The following PTPRK variants were observed in gnomAD, a reference collection of about 807,000 sequenced individuals.
PTPRK encodes receptor-type tyrosine-protein phosphatase kappa.
PTPRK carries 75 observed loss-of-function variants against 178.0 expected under a neutral mutation model. The observed-to-expected ratio is 0.42, with a 90% CI of 0.35 to 0.51. The LOEUF is 0.51. Ranked by LOEUF, PTPRK falls within the 20% of genes least tolerant of loss-of-function variation. PTPRK has a pLI of 0.02. For missense variants in PTPRK, 1,441 were observed against 1,797.8 expected (o/e 0.80, Z 3.59); for synonymous variants, 637 against 620.6 (o/e 1.03, Z -0.39).
chr6:128,262,582 AG>A (rs1475545844), intron 3 of PTPRK, among the ~76,000 whole-genome samples: 5 of 152,120 alleles, frequency 3.3e-5, no homozygotes, highest in African/African-American at 1.2e-4. Context: ...GGAGGGGGCA[AG>A]GCAAAGAAGG....
intron 13 of PTPRK, among the ~76,000 whole-genome samples, chr6:128,026,301 C>A (rs574415054): frequency 7.9e-4 from 121 of 152,288 alleles, no homozygotes; most frequent in African/African-American, 2.8e-3. Context: ...GAAGGTCTGG[C>A]AAAACTTTCT....
chr6:128,279,875 A>G (rs1460840712), intron 3 of PTPRK, among the ~76,000 whole-genome samples: 3 of 152,114 alleles, frequency 2.0e-5, no homozygotes, highest in Admixed American at 6.6e-5. Flanking sequence ...TCCCATCTCA[A>G]TGACAGCATA....
intron 1 of PTPRK, among the ~76,000 whole-genome samples, chr6:128,483,081 A>G (rs963607233): frequency 6.6e-6 from 1 of 152,192 alleles, no homozygotes; most frequent in Admixed American, 6.5e-5. Context: ...TCAACAGTGT[A>G]GTAATGCCAA....
intron 13 of PTPRK, among the ~76,000 whole-genome samples, chr6:128,054,936 G>A (rs969767289): frequency 6.6e-6 from 1 of 152,072 alleles, no homozygotes; most frequent in Non-Finnish European, 1.5e-5. Context: ...CTGATCCTAG[G>A]ATTCCATGTT....
intron 3 of PTPRK, among the ~76,000 whole-genome samples, chr6:128,251,990 G>T (rs1487208703): frequency 6.6e-6 from 1 of 152,152 alleles, no homozygotes; most frequent in African/African-American, 2.4e-5. Context: ...GGCCTTTCAA[G>T]AATGATACTG....
chr6:128,058,477 A>AT (rs1173801772), intron 13 of PTPRK, among the ~76,000 whole-genome samples: 1 of 151,858 alleles, frequency 6.6e-6, no homozygotes, highest in Non-Finnish European at 1.5e-5. Context: ...TGTTTTCTCC[A>AT]TTTTCTAATG....
intron 2 of PTPRK, among the ~76,000 whole-genome samples, chr6:128,362,349 T>C (rs1584361625): frequency 6.8e-6 from 1 of 146,618 alleles, no homozygotes; most frequent in South Asian, 2.3e-4. Context: ...CCATGAACAA[T>C]CACCTCCCAC....
intron 1 of PTPRK, among the ~76,000 whole-genome samples, chr6:128,467,544 A>G (rs1850027013): frequency 6.6e-6 from 1 of 152,178 alleles, no homozygotes; most frequent in Admixed American, 6.5e-5. Context: ...CATATCACCA[A>G]CGCGAAGCAT....
intron 8 of PTPRK, among the ~76,000 whole-genome samples, chr6:128,089,061 A>C (rs1415427434): frequency 6.6e-6 from 1 of 152,152 alleles, no homozygotes. Flanking sequence ...CCCTGGGTTC[A>C]AGTGATTCTC....
intron 11 of PTPRK, among the ~76,000 whole-genome samples, chr6:128,078,585 T>G (rs1209575431): frequency 3.3e-5 from 5 of 152,080 alleles, no homozygotes; most frequent in Admixed American, 3.3e-4. Flanking sequence ...AATCACCTTT[T>G]ATTAAAATAC....
chr6:128,298,610 G>C (rs1368419589), intron 3 of PTPRK, among the ~76,000 whole-genome samples: 1 of 151,996 alleles, frequency 6.6e-6, no homozygotes, highest in African/African-American at 2.4e-5. Flanking sequence ...CAGAACAAAA[G>C]ACAAAAACCA....
At chr6:128,278,359 T>A (rs1821115623) in intron 3 of PTPRK, among the ~76,000 whole-genome samples, 1 of 152,080 alleles carries the variant, frequency 6.6e-6, no homozygotes, top group African/African-American at 2.4e-5. Flanking sequence ...TGTTTCACTC[T>A]GTTTGCCAGA....
chr6:128,463,947 G>T (rs1849423808), intron 1 of PTPRK, among the ~76,000 whole-genome samples: 1 of 150,784 alleles, frequency 6.6e-6, no homozygotes, highest in African/African-American at 2.4e-5. Flanking sequence ...GTAGAGATGG[G>T]GTTTCACCAT....
At chr6:128,306,030 C>T (rs576764123) in intron 3 of PTPRK, among the ~76,000 whole-genome samples, 18 of 152,238 alleles carry the variant, frequency 1.2e-4, no homozygotes, top group African/African-American at 4.1e-4. Context: ...CTTATAAAAC[C>T]ATCAGATCTC....
intron 6 of PTPRK, among the ~76,000 whole-genome samples, chr6:128,191,301 C>T (rs9375550): frequency 0.1 from 15,554 of 151,976 alleles, 1,557 homozygotes; most frequent in East Asian, 0.33. Flanking sequence ...AAGCCAGGCA[C>T]AGAAAGACAA....
At chr6:128,029,962 G>T (rs375917869) in intron 13 of PTPRK, among the ~76,000 whole-genome samples, 1 of 152,110 alleles carries the variant, frequency 6.6e-6, no homozygotes, top group African/African-American at 2.4e-5. Context: ...GAGGAAAGTA[G>T]GGTAGGAAAG....
intron 25 of PTPRK, 56 bp from the exon 26 acceptor site, chr6:127,977,110 TG>T: frequency 6.4e-7 from 1 of 1,550,454 alleles, no homozygotes; most frequent in Non-Finnish European, 8.9e-7. Flanking sequence ...TATGATCGGT[TG>T]TACAAACAGA....
At chr6:128,407,304 G>C (rs376362520) in intron 1 of PTPRK, among the ~76,000 whole-genome samples, 1 of 152,084 alleles carries the variant, frequency 6.6e-6, no homozygotes, top group East Asian at 1.9e-4. Context: ...GTACATATGA[G>C]AAGATCTCCA....
intron 1 of PTPRK, among the ~76,000 whole-genome samples, chr6:128,406,763 C>T (rs1841706400): frequency 6.6e-6 from 1 of 152,166 alleles, no homozygotes; most frequent in Admixed American, 6.5e-5. Context: ...CAAATCAATG[C>T]TGAAACCTGA....
Sources: allele counts gnomAD v4.1 joint callset (sites outside exome capture counted in the v4.1 genomes callset), GRCh38; gene constraint gnomAD v4.1.1; transcripts MANE v1.5; gene names NCBI Gene and HGNC (gene_info 2026-07-23, HGNC 2026-07-21).